The following MCPH1 variants were observed in gnomAD, a reference collection of about 807,000 sequenced individuals.
MCPH1 encodes the protein microcephalin 1.
Under a neutral mutation model 84.5 loss-of-function variants are expected in MCPH1, and 104 were observed. The observed-to-expected ratio is 1.23, with a 90% CI of 1.05 to 1.45. The LOEUF (loss-of-function observed/expected upper bound fraction) is 1.45, where lower values mean the gene tolerates loss of function less well. Among genes scored for constraint, MCPH1 ranks in the 40% most tolerant of loss-of-function variants. The pLI is 0.00. For synonymous variants in MCPH1, 514 were observed against 366.8 expected, an observed-to-expected ratio of 1.40 and a Z score of -4.58; for missense variants, 1,498 against 1,005.7, an observed-to-expected ratio of 1.49 and a Z score of -6.62.
chr8:6,599,539 G>A (rs1829205284), intron 12 of MCPH1, among the ~76,000 whole-genome samples: 1 of 152,204 alleles, frequency 6.6e-6, no homozygotes, highest in Admixed American at 6.5e-5. Context: ...TGAAATTATA[G>A]GAACAGGGCT....
intron 13 of MCPH1, among the ~76,000 whole-genome samples, chr8:6,637,329 G>C (rs2515563): frequency 0.23 from 34,492 of 152,142 alleles, 4,572 homozygotes; most frequent in Non-Finnish European, 0.31. Context: ...GCCCCTTGCA[G>C]GTGAGTGGCA....
intron 11 of MCPH1, among the ~76,000 whole-genome samples, chr8:6,482,097 C>T (rs947064562): frequency 6.6e-6 from 1 of 152,230 alleles, no homozygotes; most frequent in Middle Eastern, 3.4e-3. Context: ...GATAGAATCT[C>T]GTGATTTTGC....
intron 3 of MCPH1, among the ~76,000 whole-genome samples, chr8:6,420,647 C>G (rs571718445): frequency 1.2e-3 from 179 of 152,158 alleles, no homozygotes; most frequent in Admixed American, 1.4e-3. Context: ...AAATCGATCT[C>G]TCATAGATCT....
chr8:6,422,488 A>T (rs560382185), intron 3 of MCPH1, among the ~76,000 whole-genome samples: 3 of 152,294 alleles, frequency 2.0e-5, no homozygotes, highest in East Asian at 3.9e-4. Flanking sequence ...CCTCTCAGCT[A>T]ACCCTACAAT....
At chr8:6,610,899 C>T (rs557212984) in intron 12 of MCPH1, among the ~76,000 whole-genome samples, 37 of 151,934 alleles carry the variant, frequency 2.4e-4, no homozygotes, top group African/African-American at 8.2e-4. Flanking sequence ...TTTCATATTA[C>T]AAAATTGAAA....
intron 12 of MCPH1, among the ~76,000 whole-genome samples, chr8:6,590,202 C>CA (rs1299390970): frequency 5.4e-4 from 42 of 77,124 alleles, no homozygotes; most frequent in African/African-American, 1.7e-3. Flanking sequence ...GTTAAGTGAA[C>CA]AACAAAAAAA....
At chr8:6,576,163 G>C (rs1198219027) in intron 12 of MCPH1, among the ~76,000 whole-genome samples, 4 of 152,102 alleles carry the variant, frequency 2.6e-5, no homozygotes, top group African/African-American at 9.7e-5. Context: ...AACCTCAGGA[G>C]GGGGTGAAAA....
chr8:6,414,823 G>A lies in MCPH1; in HGVS notation c.173G>A (p.Ser58Asn). ...THVIFKDGYQSTWDKAQKRGV... is the reference protein window; with the variant it reads ...THVIFKDGYQNTWDKAQKRGV... ...GTTATCTTCAAAGATGGCTACCAGA[G>A]CACTTGGGACAAAGCTCAGAAGAGA... The change falls in exon 3 of 14, where the codon AGC (serine) becomes AAC (asparagine). Residue 58 changes from serine to asparagine, a missense_variant. Coordinates refer to ENST00000344683, the MANE Select transcript of MCPH1 (RefSeq NM_024596.5). 1 of 1,613,808 alleles carries A rather than the reference G, an allele frequency of 6.2e-7. No individual in the cohort carries two copies. The highest frequency in any genetic ancestry group is 8.5e-7 in the Non-Finnish European group (1 of 1,179,882).
intron 13 of MCPH1, among the ~76,000 whole-genome samples, chr8:6,627,482 T>C (rs928339921): frequency 6.6e-6 from 1 of 152,256 alleles, no homozygotes; most frequent in Non-Finnish European, 1.5e-5. Flanking sequence ...ATATGAAGAA[T>C]TATTTTTCCT....
At chr8:6,458,017 G>A (rs1447310489) in intron 9 of MCPH1, among the ~76,000 whole-genome samples, 1 of 152,142 alleles carries the variant, frequency 6.6e-6, no homozygotes, top group African/African-American at 2.4e-5. Flanking sequence ...TTAAACTCCT[G>A]AGGTGATTCT....
chr8:6,507,231 A>G (rs988007346), intron 12 of MCPH1, among the ~76,000 whole-genome samples: 15 of 152,148 alleles, frequency 9.9e-5, no homozygotes, highest in African/African-American at 3.4e-4. Context: ...AATGCATCAT[A>G]ACTTGGGTCA....
chr8:6,419,586 T>C (rs1348916459), intron 3 of MCPH1, among the ~76,000 whole-genome samples: 1 of 149,686 alleles, frequency 6.7e-6, no homozygotes, highest in Non-Finnish European at 1.5e-5. Context: ...GTATTTTTAG[T>C]AGAGATGGGA....
intron 12 of MCPH1, chr8:6,513,547 A>G (rs1815624120): frequency 1.7e-6 from 1 of 580,960 alleles, no homozygotes; most frequent in East Asian, 3.6e-5. Context: ...GTTTGCCAGG[A>G]TGGTCTCAAT....
intron 12 of MCPH1, among the ~76,000 whole-genome samples, chr8:6,603,126 A>G (rs1319078784): frequency 6.6e-6 from 1 of 152,106 alleles, no homozygotes; most frequent in Non-Finnish European, 1.5e-5. Context: ...TTTTTTAAGA[A>G]AAGTCAAATC....
At chr8:6,461,584 C>T (rs1296821892) in intron 9 of MCPH1, among the ~76,000 whole-genome samples, 2 of 151,826 alleles carry the variant, frequency 1.3e-5, no homozygotes, top group African/African-American at 4.8e-5. Context: ...AAGTGATGTG[C>T]CCGCCTCAGC....
intron 12 of MCPH1, among the ~76,000 whole-genome samples, chr8:6,619,692 C>T (rs1175947232): frequency 6.6e-6 from 1 of 152,186 alleles, no homozygotes; most frequent in Non-Finnish European, 1.5e-5. Flanking sequence ...TCACACCATT[C>T]TCCTGCCTCA....
At chr8:6,519,713 T>C (rs1816946390) in intron 12 of MCPH1, 16 of 912,978 alleles carry the variant, frequency 1.8e-5, no homozygotes, top group Non-Finnish European at 2.4e-5. Context: ...TGGCAAGCAC[T>C]CTAGGCGAGG....
rs568239600 is a variant in MCPH1, at chr8:6,582,133, T to G, written c.2215-39321T>G. Among the ~76,000 whole-genome samples, 13 of 152,310 alleles carry G rather than the reference T, an allele frequency of 8.5e-5. No individual in the cohort carries two copies. In the East Asian group the frequency reaches 2.5e-3, roughly 29 times the overall value. ...GGAAGCCTGTGTTGTAAAGGACGTC[T>G]GAGTGGGAACAGGGGTCTCAAGCTG... On this transcript the variant is annotated intron_variant, in intron 12 of 13. Transcript: ENST00000344683.
chr8:6,527,899 AT>A (rs71213313), intron 12 of MCPH1, among the ~76,000 whole-genome samples: 186 of 133,040 alleles, frequency 1.4e-3, no homozygotes, highest in Admixed American at 1.2e-3. Context: ...CCACGTCTCT[AT>A]TTTTTTTTTT....
Sources: allele counts gnomAD v4.1 joint callset (sites outside exome capture counted in the v4.1 genomes callset), GRCh38; gene constraint gnomAD v4.1.1; transcripts MANE v1.5; gene names NCBI Gene and HGNC (gene_info 2026-07-23, HGNC 2026-07-21).